Variants in AP3B1 observed in about 807,000 individuals in gnomAD.
The protein encoded by AP3B1 is AP-3 complex subunit beta-1.
Under a neutral mutation model 132.5 loss-of-function variants are expected in AP3B1, and 61 were observed. The observed-to-expected ratio is 0.46, with a 90% CI of 0.37 to 0.57. The LOEUF (loss-of-function observed/expected upper bound fraction) is 0.57. AP3B1 is among the 20% of genes least tolerant of loss of function. The probability of loss-of-function intolerance (pLI) is 0.00; values close to 1 mark genes in which losing one functional copy is unlikely to be tolerated. For missense variants in AP3B1, 1,120 were observed against 1,289.4 expected (o/e 0.87, Z 2.01); for synonymous variants, 388 against 438.3 (o/e 0.89, Z 1.43).
intron 11 of AP3B1, among the ~76,000 whole-genome samples, chr5:78,172,891 A>G (rs962324244): frequency 6.6e-6 from 1 of 152,010 alleles, no homozygotes; most frequent in African/African-American, 2.4e-5. Flanking sequence ...TTCTCTTGTG[A>G]GCATTTAGTG....
chr5:78,126,557 T>C (rs1272753757), intron 17 of AP3B1, among the ~76,000 whole-genome samples: 1 of 150,362 alleles, frequency 6.7e-6, no homozygotes, highest in Admixed American at 6.6e-5. Context: ...GCAACTCTTT[T>C]GAAGAGTACT....
intron 21 of AP3B1, among the ~76,000 whole-genome samples, chr5:78,093,742 A>T (rs1402418517): frequency 2.0e-5 from 3 of 152,226 alleles, no homozygotes; most frequent in African/African-American, 7.2e-5. Flanking sequence ...AGTAATGCCT[A>T]TCATGTGTTA....
intron 26 of AP3B1, among the ~76,000 whole-genome samples, chr5:78,003,860 G>A (rs530422666): frequency 6.6e-6 from 1 of 152,170 alleles, no homozygotes; most frequent in African/African-American, 2.4e-5. Context: ...CAGGCATAAC[G>A]AACTTCTGTC....
At chr5:78,146,514 G>A (rs994424241) in intron 14 of AP3B1, among the ~76,000 whole-genome samples, 2 of 151,962 alleles carry the variant, frequency 1.3e-5, no homozygotes, top group African/African-American at 4.8e-5. Flanking sequence ...TTCCAGATTT[G>A]TCTACTTTTG....
intron 11 of AP3B1, among the ~76,000 whole-genome samples, chr5:78,168,791 T>C (rs919957529): frequency 6.6e-6 from 1 of 152,214 alleles, no homozygotes; most frequent in Non-Finnish European, 1.5e-5. Context: ...GTCTCAATGA[T>C]GTATAATAAA....
At chr5:78,112,303 GT>G (rs1419673053) in intron 19 of AP3B1, among the ~76,000 whole-genome samples, 1 of 152,102 alleles carries the variant, frequency 6.6e-6, no homozygotes, top group East Asian at 1.9e-4. Flanking sequence ...AAAATATGTT[GT>G]TGTTTTTCCC....
intron 22 of AP3B1, among the ~76,000 whole-genome samples, chr5:78,054,842 G>A: frequency 6.6e-6 from 1 of 152,078 alleles, no homozygotes; most frequent in East Asian, 1.9e-4. Flanking sequence ...TTTATTATGG[G>A]TATAGTGATT....
At chr5:78,240,335 C>G (rs1426686491) in intron 3 of AP3B1, among the ~76,000 whole-genome samples, 1 of 152,158 alleles carries the variant, frequency 6.6e-6, no homozygotes, top group Admixed American at 6.5e-5. Flanking sequence ...AACCTTAATA[C>G]TAGACTATAT....
chr5:78,180,099 A>G (rs1314399091), intron 8 of AP3B1, among the ~76,000 whole-genome samples: 2 of 152,166 alleles, frequency 1.3e-5, no homozygotes, highest in African/African-American at 2.4e-5. Flanking sequence ...GCATCTGGCT[A>G]AGCTGAGTAC....
intron 7 of AP3B1, among the ~76,000 whole-genome samples, chr5:78,188,315 C>T (rs1313970512): frequency 6.6e-6 from 1 of 152,086 alleles, no homozygotes; most frequent in Admixed American, 6.6e-5. Flanking sequence ...AATGGGAGAA[C>T]ATTTTTGTAA....
intron 2 of AP3B1, among the ~76,000 whole-genome samples, chr5:78,251,348 C>T (rs1487183403): frequency 6.6e-6 from 1 of 152,144 alleles, no homozygotes; most frequent in Non-Finnish European, 1.5e-5. Context: ...GAAAAAAACA[C>T]CTTCATAAGA....
At chr5:78,082,110 AG>A (rs1172710828) in intron 22 of AP3B1, among the ~76,000 whole-genome samples, 1 of 152,072 alleles carries the variant, frequency 6.6e-6, no homozygotes, top group East Asian at 1.9e-4. Flanking sequence ...TGTTTCACTG[AG>A]TCGCTTTTCC....
At chr5:78,178,060 T>TA (rs1207090637) in intron 8 of AP3B1, among the ~76,000 whole-genome samples, 21 of 152,162 alleles carry the variant, frequency 1.4e-4, no homozygotes, top group Non-Finnish European at 2.6e-4. Flanking sequence ...TAACAGCTAG[T>TA]ACGTGGCAAA....
intron 22 of AP3B1, among the ~76,000 whole-genome samples, chr5:78,049,806 T>C (rs916548035): frequency 6.6e-6 from 1 of 152,186 alleles, no homozygotes; most frequent in Non-Finnish European, 1.5e-5. Context: ...CTAGAATGTA[T>C]CAGTTAAAGT....
chr5:78,039,083 T>C lies in AP3B1; in HGVS notation c.2769A>G (p.Lys923=), dbSNP rs201179527. The C allele has an allele frequency of 7.5e-6, 12 of 1,608,412 alleles. No homozygotes were observed. The highest frequency in any genetic ancestry group is 3.3e-5 in the Admixed American group (2 of 59,766). The change falls in exon 23 of 27, where the codon AAA becomes AAG. Residue 923 remains lysine (K), a synonymous_variant. Transcript: ENST00000255194. ...CATGCATTTTCATGCCTATAGGAAG[T>C]TTTTTTTCCCCTATGTGGATATTTT... ...KIENIHIGEK[K]LPIGMKMHVF...
intron 26 of AP3B1, among the ~76,000 whole-genome samples, chr5:78,010,652 A>G (rs755057239): frequency 9.9e-5 from 15 of 152,152 alleles, no homozygotes; most frequent in Non-Finnish European, 2.1e-4. Flanking sequence ...GAATCACATG[A>G]AAGTTTTCCT....
intron 24 of AP3B1, among the ~76,000 whole-genome samples, chr5:78,033,994 A>G (rs542503224): frequency 6.6e-6 from 1 of 152,094 alleles, no homozygotes; most frequent in East Asian, 1.9e-4. Flanking sequence ...TCTCTGAGCT[A>G]TTTAATAATA....
chr5:78,215,208 C>T (rs1745908017), intron 7 of AP3B1, among the ~76,000 whole-genome samples: 1 of 142,836 alleles, frequency 7.0e-6, no homozygotes, highest in Non-Finnish European at 1.5e-5. Flanking sequence ...TTTTAAAAAT[C>T]TTTTTTTTTT....
At chr5:78,083,916 T>C (rs1348498873) in intron 22 of AP3B1, among the ~76,000 whole-genome samples, 1 of 152,126 alleles carries the variant, frequency 6.6e-6, no homozygotes, top group Non-Finnish European at 1.5e-5. Context: ...AAAAATCTAA[T>C]ATACATAAGG....
Sources: allele counts gnomAD v4.1 joint callset (sites outside exome capture counted in the v4.1 genomes callset), GRCh38; gene constraint gnomAD v4.1.1; transcripts MANE v1.5; gene names NCBI Gene and HGNC (gene_info 2026-07-23, HGNC 2026-07-21).